GLI2: variants seen among roughly 807,000 people sequenced by gnomAD.
The protein encoded by GLI2 is transcription activator GLI2.
In GLI2, 22 loss-of-function variants were observed where a neutral mutation model predicts 78.9. The observed-to-expected ratio is 0.28, with a 90% CI of 0.20 to 0.40. GLI2 has a LOEUF of 0.40. Ranked by LOEUF, GLI2 falls within the 10% of genes least tolerant of loss-of-function variation. The probability of loss-of-function intolerance (pLI) is 1.00; values close to 1 mark genes in which losing one functional copy is unlikely to be tolerated. For missense variants in GLI2, 2,097 were observed against 2,213.2 expected, an observed-to-expected ratio of 0.95 and a Z score of 1.05; for synonymous variants, 974 against 963.7, an observed-to-expected ratio of 1.01 and a Z score of -0.20.
At chr2:120,811,223 C>T (rs1023156123) in intron 2 of GLI2, among the ~76,000 whole-genome samples, 7 of 152,230 alleles carry the variant, frequency 4.6e-5, no homozygotes, top group East Asian at 1.9e-4. Context: ...GCAGGAGACC[C>T]GGAGAGGCCT....
chr2:120,820,432 C>A (rs534169606), intron 2 of GLI2, among the ~76,000 whole-genome samples: 2 of 152,198 alleles, frequency 1.3e-5, no homozygotes, highest in South Asian at 2.1e-4. Flanking sequence ...TTAGTTCCCC[C>A]CTCTCCAGGC....
chr2:120,928,077 A>G (rs1016135745), intron 3 of GLI2, among the ~76,000 whole-genome samples: 3 of 152,122 alleles, frequency 2.0e-5, no homozygotes, highest in Non-Finnish European at 4.4e-5. Context: ...TTAGGGCTCA[A>G]AAGTCTTGGT....
chr2:120,874,853 C>G (rs952025086), intron 2 of GLI2, among the ~76,000 whole-genome samples: 2 of 152,158 alleles, frequency 1.3e-5, no homozygotes, highest in African/African-American at 4.8e-5. Flanking sequence ...TGCCTGGGAA[C>G]CTCAGCTCAG....
Position 120,989,097 on chromosome 2 carries a change from G to A in GLI2, c.3132G>A (p.Val1044=). 1.2e-6 allele frequency: 2 copies of A among 1,612,544 alleles called. No individual in the cohort carries two copies. The highest frequency in any genetic ancestry group is 1.7e-6 in the Non-Finnish European group (2 of 1,179,908). ...TGGGGCTGCCGGAGGACGACCTGGT[G>A]CTTCCAGACGACGTGGTGCAGTACA... ...ADLGLPEDDL[V]LPDDVVQYIK... Residue 1044 remains valine, a synonymous_variant, in exon 14 of 14, where the codon GTG becomes GTA. Transcript: ENST00000361492.
intron 3 of GLI2, among the ~76,000 whole-genome samples, chr2:120,941,734 G>A (rs150217254): frequency 1.2e-4 from 19 of 152,346 alleles, no homozygotes; most frequent in Non-Finnish European, 1.8e-4. Context: ...CTGGAGCTCC[G>A]TGGACCCACC....
At chr2:120,738,179 C>T (rs541706144) in intron 1 of GLI2, among the ~76,000 whole-genome samples, 2 of 151,924 alleles carry the variant, frequency 1.3e-5, no homozygotes, top group South Asian at 4.1e-4. Flanking sequence ...TTAGGCTTTT[C>T]CCAGCTTCTG....
At chr2:120,789,994 C>G (rs535313300) in intron 1 of GLI2, among the ~76,000 whole-genome samples, 2 of 152,332 alleles carry the variant, frequency 1.3e-5, no homozygotes, top group Middle Eastern at 3.4e-3. Flanking sequence ...TTGTCTTTCT[C>G]TAGTCATGGG....
chr2:120,937,879 A>G (rs1184816991), intron 3 of GLI2, among the ~76,000 whole-genome samples: 4 of 152,172 alleles, frequency 2.6e-5, no homozygotes, highest in African/African-American at 7.2e-5. Context: ...AGGAGTTTCT[A>G]TCCAGCCCGC....
Position 120,766,662 on chromosome 2 carries a change from T to C in GLI2, c.-31+30377T>C, listed in dbSNP as rs80247787. On this transcript the variant is annotated intron_variant, in intron 1 of 13. Transcript: ENST00000361492. ...TGGCCTGGTGGCATCCTGGCTCTTC[T>C]GTTTAAGGTCTTTATGCCTCAGTTT... Among the ~76,000 whole-genome samples the C allele has an allele frequency of 5.1e-3, 783 of 152,358 alleles. 4 individuals carry two copies. Among genetic ancestry groups the C allele is most frequent in the Non-Finnish European group, 9.1e-3 (620 of 68,036 alleles).
chr2:120,820,591 G>A (rs556159834), intron 2 of GLI2, among the ~76,000 whole-genome samples: 17 of 152,298 alleles, frequency 1.1e-4, no homozygotes, highest in African/African-American at 3.4e-4. Flanking sequence ...TGTGGGCTCC[G>A]GACACCCTGC....
intron 3 of GLI2, among the ~76,000 whole-genome samples, chr2:120,937,217 C>T (rs924257380): frequency 3.9e-5 from 6 of 152,176 alleles, no homozygotes; most frequent in Non-Finnish European, 5.9e-5. Flanking sequence ...ACTGGGGATA[C>T]GGGCCCAAGG....
chr2:120,963,458 C>T lies in GLI2; in HGVS notation c.644-5256C>T, dbSNP rs112222984. 8.5e-3 allele frequency among the ~76,000 whole-genome samples: 1,263 copies of T among 147,794 alleles called. 20 individuals carry two copies. Among genetic ancestry groups the T allele is most frequent in the African/African-American group, 0.032 (1,208 of 37,288 alleles). ...CATCTTGTGTGTGTGTGTGTGTGCG[C>T]GCACGCGCATCCACCTGGGGTATGT... On this transcript the variant is annotated intron_variant, in intron 5 of 13. Coordinates refer to ENST00000361492, the MANE Select transcript of GLI2 (RefSeq NM_001374353.1).
chr2:120,809,751 A>C (rs377497430), intron 2 of GLI2, among the ~76,000 whole-genome samples: 280 of 152,320 alleles, frequency 1.8e-3, no homozygotes, highest in African/African-American at 6.0e-3. Flanking sequence ...TATAGGCCCC[A>C]GAAGCTCTAA....
At chr2:120,805,399 G>A (rs887693807) in intron 2 of GLI2, among the ~76,000 whole-genome samples, 7 of 152,244 alleles carry the variant, frequency 4.6e-5, no homozygotes, top group African/African-American at 1.4e-4. Context: ...GGACAGTGCC[G>A]GTGGCTCCTG....
chr2:120,961,233 TGA>T (rs775675951), intron 5 of GLI2, among the ~76,000 whole-genome samples: 27 of 152,222 alleles, frequency 1.8e-4, no homozygotes, highest in African/African-American at 2.9e-4. Flanking sequence ...ACCTCCATTC[TGA>T]CGCCTGTTCT....
rs538437891 is a variant in GLI2 at position 120,862,424 on chromosome 2, C to T, written c.149-64937C>T. On this transcript the variant is annotated intron_variant, in intron 2 of 13. Coordinates refer to ENST00000361492, the MANE Select transcript of GLI2 (RefSeq NM_001374353.1). ...CCTTGCCGTCTGGGGGCTCCAGGGACTCCTGGGTTATGTCTGCCCTGCCAC... is the reference window on the plus strand; with the variant it reads ...CCTTGCCGTCTGGGGGCTCCAGGGATTCCTGGGTTATGTCTGCCCTGCCAC... Among the ~76,000 whole-genome samples, 97 of 152,194 alleles carry T rather than the reference C, an allele frequency of 6.4e-4. 1 individual carries two copies. Among genetic ancestry groups the T allele is most frequent in the Non-Finnish European group, 1.1e-3 (72 of 68,036 alleles).
chr2:120,869,818 CCAAGGTCAA>C (rs1461527333), intron 2 of GLI2, among the ~76,000 whole-genome samples: 1 of 151,860 alleles, frequency 6.6e-6, no homozygotes, highest in Non-Finnish European at 1.5e-5. Context: ...AACCCGTTCC[CCAAGGTCAA>C]AGGACACCCC....
chr2:120,887,559 A>T (rs1220159631), intron 2 of GLI2, among the ~76,000 whole-genome samples: 2 of 152,266 alleles, frequency 1.3e-5, no homozygotes, highest in Non-Finnish European at 2.9e-5. Context: ...GAGCCATTCA[A>T]AAGAGGCGGT....
intron 2 of GLI2, among the ~76,000 whole-genome samples, chr2:120,846,056 G>A (rs761770437): frequency 6.6e-6 from 1 of 152,122 alleles, no homozygotes; most frequent in Non-Finnish European, 1.5e-5. Flanking sequence ...GCTGGGAGAT[G>A]TCACTAGGGG....
Sources: gnomAD v4.1 joint callset for allele counts (sites outside exome capture counted in the v4.1 genomes callset) on GRCh38, gnomAD v4.1.1 for gene constraint, MANE v1.5 for transcripts, NCBI Gene and HGNC (gene_info 2026-07-23, HGNC 2026-07-21) for gene names.